The following CFAP20DC variants were observed in gnomAD, a reference collection of about 807,000 sequenced individuals.
CFAP20DC encodes protein CFAP20DC.
In CFAP20DC, 84 loss-of-function variants were observed where a neutral mutation model predicts 101.7. That is an observed-to-expected ratio of 0.83 (90% CI 0.69 to 0.99). CFAP20DC has a LOEUF of 0.99. Among genes scored for constraint, CFAP20DC ranks in the 50% least tolerant of loss-of-function variants. The pLI, the probability that CFAP20DC is intolerant of heterozygous loss-of-function variation, is 0.00. For missense variants in CFAP20DC, 1,007 were observed against 970.3 expected, an observed-to-expected ratio of 1.04 and a Z score of -0.50; for synonymous variants, 359 against 351.2, an observed-to-expected ratio of 1.02 and a Z score of -0.25.
At chr3:58,778,811 A>G (rs115735756) in intron 15 of CFAP20DC, among the ~76,000 whole-genome samples, 2,521 of 152,288 alleles carry the variant, frequency 0.017, 59 homozygotes, top group African/African-American at 0.056. Context: ...AGTCTTCACT[A>G]ACAAACATAT....
chr3:58,943,719 T>C (rs1576421494), intron 4 of CFAP20DC, among the ~76,000 whole-genome samples: 1 of 152,114 alleles, frequency 6.6e-6, no homozygotes, highest in East Asian at 1.9e-4. Flanking sequence ...GGACAGAGAA[T>C]GAGTTTGAGG....
At position 58,864,841 on chromosome 3, in the gene CFAP20DC, A is replaced by T. The variant is rs2079543440; in HGVS notation, c.1259-949T>A. Among the ~76,000 whole-genome samples, 1 of 152,212 alleles carries T rather than the reference A, an allele frequency of 6.6e-6. No individual in the cohort carries two copies. The highest frequency in any genetic ancestry group is 1.5e-5 in the Non-Finnish European group (1 of 68,030). Reference sequence around the variant, plus strand: ...AAAGGTCTTTAAGTTTACAAGAGACAATGTTTTGATATAAAAACCTTTTAG... The same window carrying T: ...AAAGGTCTTTAAGTTTACAAGAGACTATGTTTTGATATAAAAACCTTTTAG... On this transcript the variant is annotated intron_variant, in intron 11 of 16. Transcript: ENST00000482387. This position sits in a 1 kb window ranked among gnomAD's most constrained non-coding sequence, Gnocchi z 4.7.
At chr3:58,776,972 A>C (rs1197766051) in intron 15 of CFAP20DC, among the ~76,000 whole-genome samples, 1 of 152,112 alleles carries the variant, frequency 6.6e-6, no homozygotes, top group African/African-American at 2.4e-5. Flanking sequence ...CCCCCAAATC[A>C]CTAAGCCAAA....
intron 15 of CFAP20DC, among the ~76,000 whole-genome samples, chr3:58,798,469 T>C (rs566691854): frequency 1.3e-5 from 2 of 152,236 alleles, no homozygotes; most frequent in African/African-American, 2.4e-5. Flanking sequence ...CTGCTTCTTA[T>C]GGTAAGCAAA....
intron 13 of CFAP20DC, among the ~76,000 whole-genome samples, chr3:58,846,862 A>G (rs1224822276): frequency 6.6e-6 from 1 of 150,486 alleles, no homozygotes; most frequent in Non-Finnish European, 1.5e-5. Flanking sequence ...ATAACGCCGC[A>G]TATCTACAAT....
intron 4 of CFAP20DC, among the ~76,000 whole-genome samples, chr3:58,951,292 C>A (rs1162407539): frequency 2.0e-5 from 3 of 152,174 alleles, no homozygotes; most frequent in African/African-American, 7.2e-5. Context: ...AATAGGAACA[C>A]TTTTACACTG....
chr3:58,948,356 G>A (rs114053146), intron 4 of CFAP20DC, among the ~76,000 whole-genome samples: 2,117 of 152,224 alleles, frequency 0.014, 51 homozygotes, highest in African/African-American at 0.048. Context: ...AAACTTCTTC[G>A]ATCTCCAGAT....
chr3:58,817,257 T>C (rs147805417), intron 14 of CFAP20DC, among the ~76,000 whole-genome samples: 5,990 of 152,252 alleles, frequency 0.039, 191 homozygotes, highest in Non-Finnish European at 0.063. Flanking sequence ...AGGAACGCAG[T>C]TCCTCAAGAG....
chr3:58,903,247 T>A (rs893282666), intron 6 of CFAP20DC, among the ~76,000 whole-genome samples: 5 of 152,210 alleles, frequency 3.3e-5, no homozygotes, highest in Non-Finnish European at 7.4e-5. Flanking sequence ...CATGAAGATT[T>A]ACCTTTTTTT....
At chr3:58,873,628 T>G (rs1261732540) in intron 7 of CFAP20DC, among the ~76,000 whole-genome samples, 2 of 149,130 alleles carry the variant, frequency 1.3e-5, no homozygotes, top group African/African-American at 2.5e-5. Flanking sequence ...GGATAGCTAT[T>G]CTGGATGTTG....
At chr3:58,963,286 G>A (rs1349979058) in intron 4 of CFAP20DC, among the ~76,000 whole-genome samples, 1 of 147,336 alleles carries the variant, frequency 6.8e-6, no homozygotes, top group Non-Finnish European at 1.5e-5. Flanking sequence ...GATGTCCATA[G>A]TCCTGAAATG....
chr3:58,906,811 C>A (rs775454837), intron 6 of CFAP20DC, among the ~76,000 whole-genome samples: 1 of 152,010 alleles, frequency 6.6e-6, no homozygotes, highest in East Asian at 1.9e-4. Flanking sequence ...ACCTGTAGTC[C>A]CAGCTCATCA....
intron 5 of CFAP20DC, among the ~76,000 whole-genome samples, chr3:58,935,059 A>G (rs2087333174): frequency 6.6e-6 from 1 of 152,224 alleles, no homozygotes; most frequent in African/African-American, 2.4e-5. Context: ...TAAGCTGATA[A>G]GCAACTTCAG....
chr3:58,922,639 G>C (rs1576319761), intron 5 of CFAP20DC, among the ~76,000 whole-genome samples: 1 of 152,150 alleles, frequency 6.6e-6, no homozygotes, highest in African/African-American at 2.4e-5. Context: ...TCCACCAAGA[G>C]TGGATGCAGT....
At position 58,894,838 on chromosome 3, in the gene CFAP20DC, C is replaced by T. The variant is rs917831185; in HGVS notation, c.551-10129G>A. On this transcript the variant is annotated intron_variant, in intron 6 of 16. Transcript: ENST00000482387. This position sits in a 1 kb window ranked among gnomAD's most constrained non-coding sequence, Gnocchi z 4.1. ...GGGCATCCAGGCGTTTCCATATGTC[C>T]TCTGAAATCAAGGTGGAGGTTCCCA... is the stretch of plus-strand genomic sequence containing the variant. Among the ~76,000 whole-genome samples, 4 of 152,252 alleles carry T rather than the reference C, an allele frequency of 2.6e-5. No homozygotes were observed. The East Asian group carries it at 7.7e-4, about 29-fold the overall frequency.
rs572523175 is a variant in CFAP20DC at position 58,995,733 on chromosome 3, C to T, written c.278+43824G>A. 5.1e-4 allele frequency among the ~76,000 whole-genome samples: 78 copies of T among 152,292 alleles called. 1 individual carries two copies. The highest frequency in any genetic ancestry group is 1.8e-3 in the African/African-American group (76 of 41,556). Reference sequence around the variant, plus strand: ...TCATCCAATCAATTGGAGCCCTGAACAGAATAAAATGGTGGAGTAAGGGAG... The same window carrying T: ...TCATCCAATCAATTGGAGCCCTGAATAGAATAAAATGGTGGAGTAAGGGAG... On this transcript the variant is annotated intron_variant, in intron 4 of 16. Coordinates refer to ENST00000482387, the MANE Select transcript of CFAP20DC (RefSeq NM_001394063.1).
intron 16 of CFAP20DC, among the ~76,000 whole-genome samples, chr3:58,749,292 T>C (rs2068411901): frequency 3.3e-5 from 5 of 152,146 alleles, no homozygotes. Context: ...CAAAGAATTA[T>C]GTGGCAGTTA....
At chr3:58,851,770 T>C (rs901473292) in intron 12 of CFAP20DC, among the ~76,000 whole-genome samples, 8 of 152,058 alleles carry the variant, frequency 5.3e-5, no homozygotes, top group Admixed American at 2.0e-4. Context: ...CTCTTAAAGA[T>C]TTTTAAGATT....
rs540470702 is a variant in CFAP20DC at position 59,043,155 on chromosome 3, G to A, written c.205+3074C>T. ...TGTAAGCTAGAGTAAGACAGAGATG[G>A]CATTTAAATCCATGAGCTGGAAGCT... On this transcript the variant is annotated intron_variant, in intron 3 of 16. Transcript: ENST00000482387. Among the ~76,000 whole-genome samples, 18 of 152,224 alleles carry A rather than the reference G, an allele frequency of 1.2e-4. No homozygotes were observed. The South Asian group carries it at 3.7e-3, about 32-fold the overall frequency.
Sources: allele counts gnomAD v4.1 joint callset (sites outside exome capture counted in the v4.1 genomes callset), GRCh38; gene constraint gnomAD v4.1.1; non-coding constraint Gnocchi (gnomAD v3.1); transcripts MANE v1.5; gene names NCBI Gene and HGNC (gene_info 2026-07-23, HGNC 2026-07-21).